The following ZNF385A variants were observed in gnomAD, a reference collection of about 807,000 sequenced individuals.
ZNF385A encodes the protein hematopoietic zinc finger protein.
ZNF385A carries 14 observed loss-of-function variants against 32.1 expected under a neutral mutation model. The observed-to-expected ratio is 0.44, with a 90% CI of 0.29 to 0.68. ZNF385A has a LOEUF of 0.68. ZNF385A is among the 30% of genes least tolerant of loss of function. The probability of loss-of-function intolerance (pLI) is 0.14; values close to 1 mark genes in which losing one functional copy is unlikely to be tolerated. For synonymous variants in ZNF385A, 197 were observed against 202.7 expected (o/e 0.97, Z 0.24); for missense variants, 406 against 478.4 (o/e 0.85, Z 1.41).
chr12:54,373,740 G>T (rs1168014766), intron 3 of ZNF385A, among the ~76,000 whole-genome samples: 1 of 152,188 alleles, frequency 6.6e-6, no homozygotes, highest in African/African-American at 2.4e-5. Flanking sequence ...GAGTCACTGG[G>T]CTGTGGGGAG....
intron 2 of ZNF385A, among the ~76,000 whole-genome samples, chr12:54,374,743 G>A (rs985366940): frequency 1.3e-5 from 2 of 151,566 alleles, no homozygotes; most frequent in African/African-American, 4.8e-5. Flanking sequence ...TGATGGGGGA[G>A]GGGAGGGTAG....
rs151184850 is a variant in ZNF385A, at chr12:54,371,015, G to A, written c.686C>T (p.Pro229Leu). Residue 229 changes from proline (P) to leucine (L), a missense_variant, in exon 5 of 7, where the codon CCG becomes CTG. By Grantham distance (98) the Pro-to-Leu change is moderately conservative (BLOSUM62 -3). Transcript: ENST00000394313. ...KAYPRLGPPT[P>L]GEPEAPAQDR... The stretch of plus-strand genomic sequence containing the variant: ...CTGGGCAGGAGCCTCTGGTTCCCCC[G>A]GGGTGGGAGGCCCCAGCCGAGGGTA... The A allele has an allele frequency of 9.4e-4, 1,519 of 1,614,196 alleles. No individual in the cohort carries two copies. The highest frequency in any genetic ancestry group is 1.2e-3 in the Non-Finnish European group (1,457 of 1,180,020).
At chr12:54,385,546 A>G (rs923785132), upstream of ZNF385A, 12 of 758,374 alleles carry the variant, frequency 1.6e-5, no homozygotes, top group Non-Finnish European at 1.8e-5. Flanking sequence ...TGACAGCAAC[A>G]GGGGTTCCCA....
upstream of ZNF385A, among the ~76,000 whole-genome samples, chr12:54,388,731 C>G (rs1251543456): frequency 6.6e-6 from 1 of 152,164 alleles, no homozygotes; most frequent in African/African-American, 2.4e-5. Context: ...TCTAATTAAT[C>G]TCTTTTTCCC....
chr12:54,374,265 G>A, intron 2 of ZNF385A, 130 bp from the exon 3 acceptor site: 1 of 829,784 alleles, frequency 1.2e-6, no homozygotes, highest in Non-Finnish European at 1.7e-6. Context: ...CCAGTGAGAT[G>A]TAAAGCCCCA....
At chr12:54,373,582 C>A (rs1417066994) in intron 3 of ZNF385A, among the ~76,000 whole-genome samples, 2 of 152,188 alleles carry the variant, frequency 1.3e-5, no homozygotes, top group Non-Finnish European at 2.9e-5. Context: ...TCTGTCTTCC[C>A]CGAGGGGAGC....
chr12:54,386,697 G>A (rs1454820307), upstream of ZNF385A, among the ~76,000 whole-genome samples: 1 of 152,196 alleles, frequency 6.6e-6, no homozygotes, highest in African/African-American at 2.4e-5. Flanking sequence ...CTGCCCCAGA[G>A]CACCAGAGGC....
intron 1 of ZNF385A, among the ~76,000 whole-genome samples, chr12:54,382,825 C>T (rs1013332471): frequency 3.9e-5 from 6 of 151,942 alleles, no homozygotes; most frequent in African/African-American, 1.5e-4. Flanking sequence ...TGCCAAATCA[C>T]CATATCCTTT....
chr12:54,373,704 A>G (rs978601268), intron 3 of ZNF385A, among the ~76,000 whole-genome samples: 5 of 152,190 alleles, frequency 3.3e-5, no homozygotes, highest in African/African-American at 1.2e-4. Flanking sequence ...GATGTTTGCC[A>G]GGTGGCCTCA....
At position 54,375,891 on chromosome 12, in the gene ZNF385A, G is replaced by T. The variant is rs932130644; in HGVS notation, c.151C>A (p.Arg51=). 2 of 1,614,158 alleles carry T rather than the reference G, an allele frequency of 1.2e-6. No individual in the cohort carries two copies. The highest frequency in any genetic ancestry group is 1.7e-6 in the Non-Finnish European group (2 of 1,180,020). The part of the protein sequence containing the change: ...TFGGPLLKTK[R]PVISCNICQI... ...CAGATATTACAGGAAATGACGGGCC[G>T]CTTGGTCTTGAGCAAGGGTCCCCCA... Residue 51 remains arginine (R), a synonymous_variant, in exon 2 of 7, where the codon CGG becomes AGG. Transcript: ENST00000394313.
chr12:54,390,938 A>G (rs184291563), intron 1 of ZNF385A, among the ~76,000 whole-genome samples: 2 of 152,184 alleles, frequency 1.3e-5, no homozygotes, highest in East Asian at 3.9e-4. Flanking sequence ...AGACTGGTAT[A>G]TAATATTCAT....
chr12:54,370,523 C>A lies in ZNF385A; in HGVS notation c.871-37G>T, dbSNP rs558874839. The A allele has an allele frequency of 4.5e-6, 7 of 1,550,596 alleles. No homozygotes were observed. The East Asian group carries it at 9.8e-5, about 22-fold the overall frequency. The stretch of plus-strand genomic sequence containing the variant: ...GAAAGGCGGAGGAAGAGAAGTCACC[C>A]GGCGGTCCTGCAAACCCCACCTCTC... On this transcript the variant is annotated intron_variant, in intron 6 of 6. Coordinates refer to ENST00000394313, the MANE Select transcript of ZNF385A (RefSeq NM_015481.3). The surrounding 1 kb of genome is among the most constrained non-coding windows in gnomAD (Gnocchi z 5.5).
chr12:54,388,490 T>A (rs1955551544), upstream of ZNF385A, among the ~76,000 whole-genome samples: 1 of 152,126 alleles, frequency 6.6e-6, no homozygotes, highest in Non-Finnish European at 1.5e-5. Context: ...TGTTAAAGAA[T>A]GCTTAGGGAG....
chr12:54,376,573 C>T (rs1954858681), intron 1 of ZNF385A, among the ~76,000 whole-genome samples: 1 of 152,178 alleles, frequency 6.6e-6, no homozygotes, highest in African/African-American at 2.4e-5. Flanking sequence ...TCTAGTGAAT[C>T]ATGGGGACTA....
rs1954727562 is a variant in ZNF385A at position 54,374,373 on chromosome 12, C to A, written c.199-238G>T. Among the ~76,000 whole-genome samples, 3 of 149,248 alleles carry A rather than the reference C, an allele frequency of 2.0e-5. No homozygotes were observed. In the South Asian group the frequency reaches 6.5e-4, roughly 32 times the overall value. On this transcript the variant is annotated intron_variant, in intron 2 of 6. Transcript: ENST00000394313. ...CCACCTAGTTCAGACTCCACCCTAC[C>A]ACCACACCCAGGGCCTGGCTGCTGA... is the stretch of plus-strand genomic sequence containing the variant.
In ZNF385A at chr12:54,371,644, T is replaced by C. The variant is rs550964648; in HGVS notation, c.433A>G (p.Ser145Gly). The stretch of plus-strand genomic sequence containing the variant: ...ACACCCTGACCAGTCTCCGGAATGC[T>C]GGGAGGGGATGGGGAGCCAGGCTGT... ...EKQPGSPSPP[S>G]IPETGQGVTK... The change falls in exon 4 of 7, where the codon AGC becomes GGC. Residue 145 changes from serine (S) to glycine (G), a missense_variant. Coordinates refer to ENST00000394313, the MANE Select transcript of ZNF385A (RefSeq NM_015481.3). 1 of 1,610,962 alleles carries C rather than the reference T, an allele frequency of 6.2e-7. No homozygotes were observed. Among genetic ancestry groups the C allele is most frequent in the Admixed American group, 1.7e-5 (1 of 58,818 alleles).
upstream of ZNF385A, among the ~76,000 whole-genome samples, chr12:54,385,519 C>T (rs1955432958): frequency 2.0e-5 from 3 of 152,328 alleles, no homozygotes; most frequent in East Asian, 1.9e-4. Context: ...CCGCCCTTCA[C>T]TGCTCCAGTA....
At chr12:54,380,051 G>A (rs1361712757) in intron 1 of ZNF385A, among the ~76,000 whole-genome samples, 2 of 152,242 alleles carry the variant, frequency 1.3e-5, no homozygotes, top group Non-Finnish European at 2.9e-5. Flanking sequence ...GGGAAACAGT[G>A]AGGGACGTCC....
In ZNF385A at chr12:54,371,002, C is replaced by A. The variant is rs1954517063; in HGVS notation, c.699G>T (p.Glu233Asp). ...RLGPPTPGEP[E>D]APAQDRTFHC... ...GGAAAGTTCGGTCCTGGGCAGGAGC[C>A]TCTGGTTCCCCCGGGGTGGGAGGCC... Residue 233 changes from glutamate (E) to aspartate (D), a missense_variant, in exon 5 of 7, where the codon GAG becomes GAT. Coordinates refer to ENST00000394313, the MANE Select transcript of ZNF385A (RefSeq NM_015481.3). 6.8e-6 allele frequency: 11 copies of A among 1,614,056 alleles called. No individual in the cohort carries two copies. The highest frequency in any genetic ancestry group is 6.7e-5 in the African/African-American group (5 of 74,926).
Sources: gnomAD v4.1 joint callset for allele counts (sites outside exome capture counted in the v4.1 genomes callset) on GRCh38, gnomAD v4.1.1 for gene constraint, Gnocchi (gnomAD v3.1) non-coding constraint, MANE v1.5 for transcripts, NCBI Gene and HGNC (gene_info 2026-07-23, HGNC 2026-07-21) for gene names.